Variants in ACSS2 observed in about 807,000 individuals in gnomAD.
The protein encoded by ACSS2 is acyl-CoA synthetase short chain family member 2, also known as acetyl-coenzyme A synthetase, cytoplasmic.
Under a neutral mutation model 90.6 loss-of-function variants are expected in ACSS2, and 58 were observed. The ratio of observed to expected loss-of-function variants is 0.64; its 90% confidence interval spans 0.52 to 0.80. ACSS2 has a LOEUF of 0.80. Among genes scored for constraint, ACSS2 ranks in the 30% least tolerant of loss-of-function variants. The pLI is 0.00. For synonymous variants in ACSS2, 300 were observed against 330.9 expected (o/e 0.91, Z 1.01); for missense variants, 759 against 912.0 (o/e 0.83, Z 2.16).
At chr20:34,895,892 GA>G (rs1375264360) in intron 2 of ACSS2, among the ~76,000 whole-genome samples, 6 of 152,320 alleles carry the variant, frequency 3.9e-5, no homozygotes, top group Admixed American at 3.9e-4. Context: ...CTTTGACCTA[GA>G]TAATAGAGAA....
intron 7 of ACSS2, among the ~76,000 whole-genome samples, chr20:34,918,614 T>C (rs1285947388): frequency 6.6e-6 from 1 of 152,094 alleles, no homozygotes; most frequent in African/African-American, 2.4e-5. Flanking sequence ...GGAAACCCTA[T>C]TGGTACCAGT....
chr20:34,918,250 A>T (rs1418870686), intron 7 of ACSS2, among the ~76,000 whole-genome samples: 1 of 152,198 alleles, frequency 6.6e-6, no homozygotes, highest in Non-Finnish European at 1.5e-5. Context: ...GACTGTCCTC[A>T]TTTGTAAAAG....
intron 2 of ACSS2, among the ~76,000 whole-genome samples, chr20:34,890,487 AG>A (rs2080307730): frequency 6.6e-6 from 1 of 152,158 alleles, no homozygotes; most frequent in Non-Finnish European, 1.5e-5. Flanking sequence ...AGCTAGTTGA[AG>A]GAACACTGGA....
chr20:34,900,304 C>T (rs971892292), intron 2 of ACSS2, among the ~76,000 whole-genome samples: 6 of 150,550 alleles, frequency 4.0e-5, no homozygotes, highest in African/African-American at 7.3e-5. Context: ...CAAGTAGCTG[C>T]GACTACAGGT....
chr20:34,899,909 A>T (rs183007584), intron 2 of ACSS2, among the ~76,000 whole-genome samples: 98 of 152,020 alleles, frequency 6.4e-4, no homozygotes, highest in African/African-American at 2.1e-3. Context: ...TATGTTTTCA[A>T]TTCTCTTGGG....
At chr20:34,893,868 T>C (rs2080398532) in intron 2 of ACSS2, among the ~76,000 whole-genome samples, 1 of 152,140 alleles carries the variant, frequency 6.6e-6, no homozygotes, top group African/African-American at 2.4e-5. Context: ...CATGGTTACC[T>C]TATGGTTTTA....
chr20:34,890,229 A>G (rs2080300682), intron 2 of ACSS2, among the ~76,000 whole-genome samples: 1 of 152,184 alleles, frequency 6.6e-6, no homozygotes. Context: ...CTCCTAGTCT[A>G]TATAAACACT....
At chr20:34,903,367 T>C (rs80058050) in intron 2 of ACSS2, among the ~76,000 whole-genome samples, 1,934 of 145,334 alleles carry the variant, frequency 0.013, 48 homozygotes, top group African/African-American at 0.046. Context: ...AGATCACAGA[T>C]CATGCTGGGT....
chr20:34,911,379 G>C (rs1046098997), intron 2 of ACSS2, among the ~76,000 whole-genome samples: 11 of 151,420 alleles, frequency 7.3e-5, no homozygotes, highest in Non-Finnish European at 1.5e-4. Flanking sequence ...GTAGAGACGG[G>C]GTTTCTCCAT....
At chr20:34,914,056 G>T in intron 5 of ACSS2, 40 bp from the exon 6 acceptor site, 2 of 1,606,656 alleles carry the variant, frequency 1.2e-6, no homozygotes, top group Admixed American at 1.7e-5. Context: ...TAGGCAGCAT[G>T]GGGCTTACTA....
chr20:34,916,855 A>G (rs765488735), intron 7 of ACSS2, among the ~76,000 whole-genome samples: 1 of 152,182 alleles, frequency 6.6e-6, no homozygotes, highest in Non-Finnish European at 1.5e-5. Flanking sequence ...TCTCCCGTAC[A>G]TGGCAGCTGC....
intron 2 of ACSS2, among the ~76,000 whole-genome samples, chr20:34,891,377 G>A (rs932620171): frequency 2.6e-5 from 4 of 152,186 alleles, no homozygotes; most frequent in Admixed American, 1.3e-4. Context: ...AAGAGAGGAA[G>A]CAGTTTTTAG....
At chr20:34,902,738 A>T (rs900492132) in intron 2 of ACSS2, among the ~76,000 whole-genome samples, 1 of 151,046 alleles carries the variant, frequency 6.6e-6, no homozygotes, top group African/African-American at 2.4e-5. Context: ...TTAATTAATT[A>T]ATTTTGAGAC....
At chr20:34,911,733 T>C (rs2080964545) in intron 2 of ACSS2, among the ~76,000 whole-genome samples, 1 of 152,250 alleles carries the variant, frequency 6.6e-6, no homozygotes. Flanking sequence ...TTATATTTGT[T>C]ATTTGTTTAT....
upstream of ACSS2, chr20:34,874,995 C>T: frequency 1.9e-6 from 1 of 529,186 alleles, no homozygotes; most frequent in Non-Finnish European, 3.9e-6. Flanking sequence ...GGTCACAAGG[C>T]CTGTGTAGGC....
intron 1 of ACSS2, among the ~76,000 whole-genome samples, chr20:34,878,895 C>CTTTTTTTTTTTTTT (rs11299664): frequency 7.8e-6 from 1 of 128,526 alleles, no homozygotes; most frequent in Non-Finnish European, 1.7e-5. Context: ...TTCTGCTTTT[C>CTTTTTTTTTTTTTT]TTTTTTTTTT....
chr20:34,879,131 C>T (rs567336722), intron 1 of ACSS2, among the ~76,000 whole-genome samples: 1 of 152,056 alleles, frequency 6.6e-6, no homozygotes, highest in South Asian at 2.1e-4. Flanking sequence ...GTCTCGATCT[C>T]CTGACCTCGT....
intron 1 of ACSS2, among the ~76,000 whole-genome samples, chr20:34,879,098 C>G (rs962948299): frequency 4.6e-5 from 7 of 151,436 alleles, no homozygotes; most frequent in Non-Finnish European, 8.8e-5. Flanking sequence ...TAGAGACGGG[C>G]TTTCACCGTG....
chr20:34,909,314 G>T (rs1022780037), intron 2 of ACSS2, among the ~76,000 whole-genome samples: 1 of 152,066 alleles, frequency 6.6e-6, no homozygotes, highest in African/African-American at 2.4e-5. Flanking sequence ...GCTGTAGTGA[G>T]CTGTGATGGT....
Sources: gnomAD v4.1 joint callset for allele counts (sites outside exome capture counted in the v4.1 genomes callset) on GRCh38, gnomAD v4.1.1 for gene constraint, MANE v1.5 for transcripts, NCBI Gene and HGNC (gene_info 2026-07-23, HGNC 2026-07-21) for gene names.